Variants in SLC7A8 observed in about 807,000 individuals in gnomAD.
SLC7A8 encodes large neutral amino acids transporter small subunit 2.
In SLC7A8, 30 loss-of-function variants were observed where a neutral mutation model predicts 51.2. The observed-to-expected ratio is 0.59, with a 90% CI of 0.44 to 0.80. The LOEUF (loss-of-function observed/expected upper bound fraction) is 0.80, where lower values mean the gene tolerates loss of function less well. Ranked by LOEUF, SLC7A8 falls within the 30% of genes least tolerant of loss-of-function variation. SLC7A8 has a pLI of 0.00. For synonymous variants in SLC7A8, 257 were observed against 275.8 expected, an observed-to-expected ratio of 0.93 and a Z score of 0.67; for missense variants, 612 against 674.4, an observed-to-expected ratio of 0.91 and a Z score of 1.03.
At chr14:23,137,228 G>C (rs61492401) in intron 7 of SLC7A8, among the ~76,000 whole-genome samples, 1 of 152,172 alleles carries the variant, frequency 6.6e-6, no homozygotes, top group South Asian at 2.1e-4. Context: ...GGACCCGCTC[G>C]CACTTCTGGC....
chr14:23,182,428 C>T (rs1287159851), intron 1 of SLC7A8, among the ~76,000 whole-genome samples: 1 of 152,202 alleles, frequency 6.6e-6, no homozygotes, highest in Non-Finnish European at 1.5e-5. Flanking sequence ...CTCAGTCCCT[C>T]CTTAAACCTA....
At chr14:23,146,295 AG>A (rs758026198) in intron 3 of SLC7A8, among the ~76,000 whole-genome samples, 2 of 152,214 alleles carry the variant, frequency 1.3e-5, no homozygotes, top group Non-Finnish European at 2.9e-5. Flanking sequence ...TCCTTCTCCA[AG>A]GGGAGGAGAG....
In SLC7A8 at chr14:23,127,325, C is replaced by T. The variant is rs150487356; in HGVS notation, c.1460G>A (p.Ser487Asn). ...SDFIELLTLV[S>N]QKMCVVVYPE... is the part of the protein sequence containing the mutation. ...GTACACGACCACACACATCTTCTGG[C>T]TCACCAGGGTTAGCAGCTCTGTAGG... The change falls in exon 11 of 11, where the codon AGC (serine) becomes AAC (asparagine). Residue 487 changes from serine (S) to asparagine (N), a missense_variant. By Grantham distance (46) the Ser-to-Asn change is conservative. Coordinates refer to ENST00000316902, the MANE Select transcript of SLC7A8 (RefSeq NM_012244.4). 2,505 of 1,614,112 alleles carry T rather than the reference C, an allele frequency of 1.6e-3. 7 individuals are homozygous for T. The highest frequency in any genetic ancestry group is 2.4e-3 in the South Asian group (216 of 91,088).
intron 3 of SLC7A8, among the ~76,000 whole-genome samples, chr14:23,147,828 G>A (rs2048811432): frequency 6.6e-6 from 1 of 152,210 alleles, no homozygotes; most frequent in African/African-American, 2.4e-5. Context: ...TCAGGCAGGA[G>A]GAGGAAAACT....
intron 3 of SLC7A8, chr14:23,155,331 A>T: frequency 6.5e-7 from 1 of 1,535,392 alleles, no homozygotes; most frequent in Non-Finnish European, 8.7e-7. Flanking sequence ...AAACACTTCC[A>T]GCTAAGCTCC....
intron 4 of SLC7A8, 132 bp from the exon 5 acceptor site, chr14:23,140,756 C>T (rs2048737082): frequency 1.2e-6 from 1 of 850,756 alleles, no homozygotes; most frequent in Admixed American, 2.6e-5. Context: ...CCAGTGAACC[C>T]AACATATTGG....
intron 8 of SLC7A8, among the ~76,000 whole-genome samples, chr14:23,131,259 A>G (rs940672182): frequency 6.6e-6 from 1 of 152,242 alleles, no homozygotes; most frequent in Admixed American, 6.5e-5. Flanking sequence ...AGGTATTTCA[A>G]GACTCAGGAT....
Position 23,166,396 on chromosome 14 carries a change from G to T in SLC7A8, c.296C>A (p.Thr99Asn). Residue 99 changes from threonine to asparagine, a missense_variant, in exon 2 of 11, where the codon ACC becomes AAC. Thr to Asn is a moderately conservative substitution (Grantham distance 65, BLOSUM62 0). Coordinates refer to ENST00000316902, the MANE Select transcript of SLC7A8 (RefSeq NM_012244.4). ...GTAGTCACCTCCAGATTTGGGGATG[G>T]TGACCCCGAGTTCAGCATAGCAGAG... is the stretch of plus-strand genomic sequence containing the variant. ...GALCYAELGV[T>N]IPKSGGDYSY... The T allele has an allele frequency of 2.5e-6, 4 of 1,614,136 alleles. No homozygotes were observed. The highest frequency in any genetic ancestry group is 3.4e-6 in the Non-Finnish European group (4 of 1,180,032).
At chr14:23,138,443 GATCTGTCAGGC>G (rs1350739503) in intron 6 of SLC7A8, among the ~76,000 whole-genome samples, 1 of 152,178 alleles carries the variant, frequency 6.6e-6, no homozygotes, top group African/African-American at 2.4e-5. Context: ...TTGTCAGGCA[GATCTGTCAGGC>G]AGATCCAGGC....
rs1877272288 is a variant in SLC7A8, at chr14:23,183,335, A to C, written c.-421T>G. On this transcript the variant is annotated 5_prime_UTR_variant, in exon 1 of 11. Transcript: ENST00000316902. ...CCTTCACCTCTCCCCCTAATAAAAC[A>C]GGAGACTGCCTTTACCTCCCCTTAG... is the stretch of plus-strand genomic sequence containing the variant. The C allele has an allele frequency of 1.3e-5, 2 of 157,444 alleles. No homozygotes were observed. The highest frequency in any genetic ancestry group is 6.4e-5 in the Admixed American group (1 of 15,608). 9.8% of individuals were successfully genotyped at this position (157,444 alleles called of 1,614,324 possible).
intron 3 of SLC7A8, among the ~76,000 whole-genome samples, chr14:23,153,010 C>A (rs931595549): frequency 6.6e-6 from 1 of 152,180 alleles, no homozygotes; most frequent in Non-Finnish European, 1.5e-5. Context: ...CAACTCTTGG[C>A]CCTAGAGGTA....
rs555177076 is a variant in SLC7A8, at chr14:23,163,313, A to G, written c.508+1972T>C. ...GTAGGGTGGACGAGTGATTTTGCCC[A>G]GCACTCACCACTGCAGTTAGAAATG... On this transcript the variant is annotated intron_variant, in intron 3 of 10. Coordinates refer to ENST00000316902, the MANE Select transcript of SLC7A8 (RefSeq NM_012244.4). 2.0e-3 allele frequency among the ~76,000 whole-genome samples: 309 copies of G among 152,322 alleles called. 2 individuals are homozygous for G. The highest frequency in any genetic ancestry group is 7.3e-3 in the African/African-American group (302 of 41,576).
chr14:23,182,931 G>T lies in SLC7A8; in HGVS notation c.-17C>A, dbSNP rs758618999. 2 of 1,614,034 alleles carry T rather than the reference G, an allele frequency of 1.2e-6. No individual in the cohort carries two copies. The highest frequency in any genetic ancestry group is 3.3e-5 in the Admixed American group (2 of 60,010). ...TTCTTCCATCCTTCTCAGTAGGATT[G>T]CAACCTCAAAAGCTGCCTCCCTTTC... is the stretch of plus-strand genomic sequence containing the variant. On this transcript the variant is annotated 5_prime_UTR_variant, in exon 1 of 11. Transcript: ENST00000316902.
In SLC7A8 at chr14:23,137,932, G is replaced by A. The variant is rs1371443307; in HGVS notation, c.1005C>T (p.Phe335=). ...CAGGCAGCACTCACCGAGAGGAGGT[G>A]AAGAGAGACCCATTAACTCCTCCAA... is the stretch of plus-strand genomic sequence containing the variant. ...STFGGVNGSL[F]TSSRLFFAGA... is the part of the protein sequence containing the mutation. The change falls in exon 7 of 11, where the codon TTC becomes TTT. Residue 335 remains phenylalanine (F), a synonymous_variant. Coordinates refer to ENST00000316902, the MANE Select transcript of SLC7A8 (RefSeq NM_012244.4). The A allele has an allele frequency of 1.2e-6, 2 of 1,613,860 alleles. No homozygotes were observed. The highest frequency in any genetic ancestry group is 1.1e-5 in the South Asian group (1 of 91,070).
intron 3 of SLC7A8, among the ~76,000 whole-genome samples, chr14:23,146,112 AG>A (rs1354383041): frequency 6.6e-6 from 1 of 152,238 alleles, no homozygotes; most frequent in African/African-American, 2.4e-5. Context: ...AAGGCATGCA[AG>A]GTACAAGGCT....
At chr14:23,176,212 C>G (rs936882642) in intron 1 of SLC7A8, among the ~76,000 whole-genome samples, 1 of 152,246 alleles carries the variant, frequency 6.6e-6, no homozygotes, top group African/African-American at 2.4e-5. Flanking sequence ...GTATAGACCA[C>G]ATGGGTGTGA....
At chr14:23,180,617 G>A (rs1877128870) in intron 1 of SLC7A8, among the ~76,000 whole-genome samples, 2 of 152,238 alleles carry the variant, frequency 1.3e-5, no homozygotes, top group South Asian at 2.1e-4. Flanking sequence ...CCACCATGGG[G>A]AGCTTTGAGA....
At position 23,165,270 on chromosome 14, in the gene SLC7A8, C is replaced by T; in HGVS notation, c.508+15G>A. The T allele has an allele frequency of 6.2e-7, 1 of 1,604,102 alleles. No individual in the cohort carries two copies. Among genetic ancestry groups the T allele is most frequent in the Non-Finnish European group, 8.5e-7 (1 of 1,176,196 alleles). On this transcript the variant is annotated intron_variant, in intron 3 of 10. Coordinates refer to ENST00000316902, the MANE Select transcript of SLC7A8 (RefSeq NM_012244.4). The surrounding 1 kb of genome is among the most constrained non-coding windows in gnomAD (Gnocchi z 4.2). ...AAAGAGGCTGTCTTGCTACCAAGAC[C>T]CAGATGACACTTACATAAGCAGATG...
intron 3 of SLC7A8, among the ~76,000 whole-genome samples, chr14:23,147,661 T>TC (rs1169855055): frequency 2.0e-5 from 3 of 152,158 alleles, no homozygotes; most frequent in African/African-American, 2.4e-5. Context: ...GGGCATTTCC[T>TC]CCCCTCTTTC....
Sources: allele counts gnomAD v4.1 joint callset (sites outside exome capture counted in the v4.1 genomes callset), GRCh38; gene constraint gnomAD v4.1.1; non-coding constraint Gnocchi (gnomAD v3.1); transcripts MANE v1.5; gene names NCBI Gene and HGNC (gene_info 2026-07-23, HGNC 2026-07-21).